LAMP1: variants seen among roughly 807,000 people sequenced by gnomAD.
LAMP1 encodes the protein lysosome-associated membrane glycoprotein 1.
A neutral mutation model predicts 37.5 loss-of-function variants in LAMP1; 7 were observed. The observed-to-expected ratio is 0.19, with a 90% CI of 0.11 to 0.35. The LOEUF (loss-of-function observed/expected upper bound fraction) is 0.35. LAMP1 is among the 10% of genes least tolerant of loss of function. The pLI is 1.00. For synonymous variants in LAMP1, 236 were observed against 229.1 expected (o/e 1.03, Z -0.27); for missense variants, 537 against 552.8 (o/e 0.97, Z 0.29).
chr13:113,310,861 C>A lies in LAMP1; in HGVS notation c.556C>A (p.Arg186=), dbSNP rs9577503. The A allele has an allele frequency of 0.99, 1,604,595 of 1,612,914 alleles. 798,265 individuals are homozygous for A. The highest frequency in any genetic ancestry group is 1 in the East Asian group (44,856 of 44,856). ...GTACCTTTCCAACAGCAGCTTCAGC[C>A]GGGGAGGTAGGACGCTGACCCTTGG... ...QAYLSNSSFS[R]GETRCEQDRP... is the part of the protein sequence containing the mutation. The change falls in exon 4 of 9, where the codon CGG becomes AGG. Residue 186 remains arginine, a synonymous_variant. Transcript: ENST00000332556.
chr13:113,315,148 C>T (rs866373510), intron 4 of LAMP1, among the ~76,000 whole-genome samples: 379 of 66,000 alleles, frequency 5.7e-3, no homozygotes, highest in Middle Eastern at 0.013. Context: ...GGAGTCAGTG[C>T]GGAGATGCCC....
At position 113,320,320 on chromosome 13, in the gene LAMP1, T is replaced by A; in HGVS notation, c.751-25T>A. ...GTGTGGAGGACCTGAGCTAGGGTGG[T>A]GACTTGCTTGCTTGTCTTATGCAGA... is the stretch of plus-strand genomic sequence containing the variant. On this transcript the variant is annotated intron_variant, in intron 5 of 8. Transcript: ENST00000332556. The surrounding 1 kb of genome is among the most constrained non-coding windows in gnomAD (Gnocchi z 4.4). The A allele has an allele frequency of 6.2e-7, 1 of 1,613,906 alleles. No homozygotes were observed. The highest frequency in any genetic ancestry group is 8.5e-7 in the Non-Finnish European group (1 of 1,179,950).
chr13:113,298,217 G>A (rs1174843946), intron 1 of LAMP1, among the ~76,000 whole-genome samples: 1 of 152,184 alleles, frequency 6.6e-6, no homozygotes, highest in East Asian at 1.9e-4. Flanking sequence ...AGGCCGAAAT[G>A]CGGGACCAGG....
intron 1 of LAMP1, among the ~76,000 whole-genome samples, chr13:113,298,407 TCCC>T (rs572001092): frequency 6.8e-6 from 1 of 146,920 alleles, no homozygotes; most frequent in Non-Finnish European, 1.5e-5. Context: ...TTTCACCTCC[TCCC>T]CCCGCCGCCC....
At chr13:113,301,034 G>A (rs1310924789) in intron 1 of LAMP1, among the ~76,000 whole-genome samples, 1 of 152,058 alleles carries the variant, frequency 6.6e-6, no homozygotes, top group Non-Finnish European at 1.5e-5. Context: ...GCTTCTACAT[G>A]GTAACATCTG....
Position 113,321,343 on chromosome 13 carries a change from G to T in LAMP1, c.877-61G>T. 7.7e-7 allele frequency: 1 copy of T among 1,293,610 alleles called. No homozygotes were observed. The highest frequency in any genetic ancestry group is 1.1e-6 in the Non-Finnish European group (1 of 887,780). The allele number at this position is 1,293,610 out of a possible 1,614,324, so 80.1% of individuals were successfully genotyped here. On this transcript the variant is annotated intron_variant, in intron 6 of 8. Coordinates refer to ENST00000332556, the MANE Select transcript of LAMP1 (RefSeq NM_005561.4). The surrounding 1 kb of genome is among the most constrained non-coding windows in gnomAD (Gnocchi z 5.6). ...TGATGATAAATGTGTGAATCTACTG[G>T]GGTTAAAGATCATCTTTCTATGAAT...
intron 2 of LAMP1, 47 bp downstream of exon 2, chr13:113,306,653 G>A: frequency 6.3e-7 from 1 of 1,581,418 alleles, no homozygotes. Context: ...TGTGTGGAAA[G>A]ATGATTTTTA....
At position 113,321,977 on chromosome 13, in the gene LAMP1, G is replaced by A. The variant is rs901411343; in HGVS notation, c.1114+250G>A. The A allele has an allele frequency of 1.0e-5, 6 of 589,086 alleles. No homozygotes were observed. The highest frequency in any genetic ancestry group is 6.2e-5 in the Admixed American group (2 of 32,222). The allele number at this position is 589,086 out of a possible 1,614,324, so 36.5% of individuals were successfully genotyped here. On this transcript the variant is annotated intron_variant, in intron 8 of 8. Coordinates refer to ENST00000332556, the MANE Select transcript of LAMP1 (RefSeq NM_005561.4). This position sits in a 1 kb window ranked among gnomAD's most constrained non-coding sequence, Gnocchi z 5.6. ...AATCATTTTAAGAAACAGTGGTGGC[G>A]CTTCTCCCATGAACGTTGAATACAA...
At chr13:113,314,983 G>A (rs2042653046) in intron 4 of LAMP1, among the ~76,000 whole-genome samples, 1 of 127,544 alleles carries the variant, frequency 7.8e-6, no homozygotes, top group Non-Finnish European at 1.6e-5. Context: ...CCTGGGGCGT[G>A]GCCTCCTGAG....
chr13:113,297,397 GC>G lies in LAMP1; in HGVS notation c.-33del. 5 of 600,788 alleles carry G rather than the reference GC, an allele frequency of 8.3e-6. No individual in the cohort carries two copies. Among genetic ancestry groups the G allele is most frequent in the Non-Finnish European group, 9.4e-6 (4 of 426,890 alleles). 37.2% of individuals were successfully genotyped at this position (600,788 alleles called of 1,614,324 possible). A position where few individuals can be genotyped will look rare whatever the true frequency, so the allele number is the denominator to read the frequency against. On this transcript the variant is annotated 5_prime_UTR_variant, in exon 1 of 9. Coordinates refer to ENST00000332556, the MANE Select transcript of LAMP1 (RefSeq NM_005561.4). This position sits in a 1 kb window ranked among gnomAD's most constrained non-coding sequence, Gnocchi z 4.4. ...AGTCCGCGGCCCAACCGCCGCCCGC[GC>G]CCCCGCTCCCCGCACCGTACCCGGC...
intron 4 of LAMP1, among the ~76,000 whole-genome samples, chr13:113,316,033 G>T (rs1258476083): frequency 6.6e-6 from 1 of 152,152 alleles, no homozygotes; most frequent in Non-Finnish European, 1.5e-5. Context: ...AACCCGAGAG[G>T]TGGAGGTTGC....
chr13:113,316,430 T>A (rs1244146228), intron 4 of LAMP1, among the ~76,000 whole-genome samples: 1 of 151,426 alleles, frequency 6.6e-6, no homozygotes, highest in Admixed American at 6.6e-5. Context: ...GATTTTTTTT[T>A]TTTTTTTTTG....
chr13:113,298,977 C>T (rs191367444), intron 1 of LAMP1, among the ~76,000 whole-genome samples: 1 of 152,178 alleles, frequency 6.6e-6, no homozygotes, highest in East Asian at 1.9e-4. Flanking sequence ...CCGGTCTCTA[C>T]AAAAATACAA....
chr13:113,307,891 C>T (rs1361093192), intron 2 of LAMP1, among the ~76,000 whole-genome samples: 4 of 134,384 alleles, frequency 3.0e-5, no homozygotes. Flanking sequence ...CCTGTGAGGT[C>T]GAGGCTGCAG....
intron 1 of LAMP1, among the ~76,000 whole-genome samples, chr13:113,304,572 T>A (rs919038662): frequency 1.3e-5 from 2 of 152,230 alleles, no homozygotes; most frequent in Non-Finnish European, 2.9e-5. Context: ...AGAGTGTGGC[T>A]TGAAAAACCA....
chr13:113,307,795 T>TAAAA (rs147832647), intron 2 of LAMP1, among the ~76,000 whole-genome samples: 2 of 116,822 alleles, frequency 1.7e-5, no homozygotes, highest in African/African-American at 7.4e-5. Flanking sequence ...TATCTCTTTT[T>TAAAA]TAAAAAAAAA....
chr13:113,322,466 T>C lies in LAMP1; in HGVS notation c.*45T>C, dbSNP rs1237869397. The C allele has an allele frequency of 1.3e-6, 2 of 1,561,872 alleles. No homozygotes were observed. Among genetic ancestry groups the C allele is most frequent in the African/African-American group, 2.7e-5 (2 of 73,418 alleles). ...GCAGCTGCAGGGGCCTCTGTTCCTT[T>C]CTCTGGGCTTAGGGTCCTGTCGAAG... On this transcript the variant is annotated 3_prime_UTR_variant, in exon 9 of 9. Coordinates refer to ENST00000332556, the MANE Select transcript of LAMP1 (RefSeq NM_005561.4).
chr13:113,320,927 A>G lies in LAMP1; in HGVS notation c.876+457A>G, dbSNP rs939664079. 7.3e-5 allele frequency: 16 copies of G among 219,864 alleles called. No homozygotes were observed. Among genetic ancestry groups the G allele is most frequent in the Non-Finnish European group, 1.2e-4 (13 of 109,236 alleles). 13.6% of individuals were successfully genotyped at this position (219,864 alleles called of 1,614,324 possible). A position where few individuals can be genotyped will look rare whatever the true frequency, so the allele number is the denominator to read the frequency against. ...CCAAATCATGCTTTCCTGTGCTGTGATAGCTCCTGCAGTCCCCGTTTTCCA... is the reference window on the plus strand; with the variant it reads ...CCAAATCATGCTTTCCTGTGCTGTGGTAGCTCCTGCAGTCCCCGTTTTCCA... On this transcript the variant is annotated intron_variant, in intron 6 of 8. Transcript: ENST00000332556. This position sits in a 1 kb window ranked among gnomAD's most constrained non-coding sequence, Gnocchi z 4.4.
At chr13:113,298,454 C>A (rs1342782746) in intron 1 of LAMP1, among the ~76,000 whole-genome samples, 1 of 151,476 alleles carries the variant, frequency 6.6e-6, no homozygotes, top group Non-Finnish European at 1.5e-5. Context: ...TCTTAAATGC[C>A]AGGATCTGAA....
Sources: gnomAD v4.1 joint callset for allele counts (sites outside exome capture counted in the v4.1 genomes callset) on GRCh38, gnomAD v4.1.1 for gene constraint, Gnocchi (gnomAD v3.1) non-coding constraint, MANE v1.5 for transcripts, NCBI Gene and HGNC (gene_info 2026-07-23, HGNC 2026-07-21) for gene names.